The following SFRP1 variants were observed in gnomAD, a reference collection of about 807,000 sequenced individuals.
SFRP1 encodes the protein secreted frizzled related protein 1, also known as secreted frizzled-related protein 1.
Under a neutral mutation model 25.9 loss-of-function variants are expected in SFRP1, and 9 were observed. That is an observed-to-expected ratio of 0.35 (90% CI 0.21 to 0.61). The LOEUF (loss-of-function observed/expected upper bound fraction) is 0.61. Ranked by LOEUF, SFRP1 falls within the 20% of genes least tolerant of loss-of-function variation. SFRP1 has a pLI of 0.78. For missense variants in SFRP1, 346 were observed against 418.2 expected, an observed-to-expected ratio of 0.83 and a Z score of 1.51; for synonymous variants, 178 against 174.0, an observed-to-expected ratio of 1.02 and a Z score of -0.18.
chr8:41,296,300 A>G (rs914264341), intron 2 of SFRP1, among the ~76,000 whole-genome samples: 4 of 152,246 alleles, frequency 2.6e-5, no homozygotes, highest in Non-Finnish European at 5.9e-5. Flanking sequence ...TAGTCTGAAC[A>G]GGCCCAGAGT....
chr8:41,277,339 CA>C (rs1314689096), intron 2 of SFRP1, among the ~76,000 whole-genome samples: 1 of 152,180 alleles, frequency 6.6e-6, no homozygotes, highest in Non-Finnish European at 1.5e-5. Flanking sequence ...CCTGCCAAGG[CA>C]AACAGCTTTT....
intron 2 of SFRP1, among the ~76,000 whole-genome samples, chr8:41,282,769 A>C (rs1306219834): frequency 1.3e-5 from 2 of 152,168 alleles, no homozygotes; most frequent in East Asian, 3.8e-4. Flanking sequence ...ATATATGTAC[A>C]GAGTTATATA....
intron 2 of SFRP1, among the ~76,000 whole-genome samples, chr8:41,295,422 G>A (rs1290945197): frequency 5.3e-5 from 8 of 151,750 alleles, no homozygotes; most frequent in South Asian, 2.1e-4. Flanking sequence ...CCAGGTACTC[G>A]GGAGGCCGAG....
At position 41,290,813 on chromosome 8, in the gene SFRP1, T is replaced by A. The variant is rs117722106; in HGVS notation, c.622+12648A>T. 2.9e-4 allele frequency among the ~76,000 whole-genome samples: 44 copies of A among 151,268 alleles called. No individual in the cohort carries two copies. In the East Asian group the frequency reaches 8.6e-3, roughly 29 times the overall value. On this transcript the variant is annotated intron_variant, in intron 2 of 2. Coordinates refer to ENST00000220772, the MANE Select transcript of SFRP1 (RefSeq NM_003012.5). The stretch of plus-strand genomic sequence containing the variant: ...TGTCCAAAATGTCTCACCACTGATG[T>A]CTGCAGTTCTGCCATTAGGACTTCA...
At chr8:41,276,862 C>T in intron 2 of SFRP1, 2 of 448,364 alleles carry the variant, frequency 4.5e-6, no homozygotes, top group Admixed American at 4.7e-5. Flanking sequence ...GAGATTGCAA[C>T]TTTGCAGAGC....
intron 2 of SFRP1, among the ~76,000 whole-genome samples, chr8:41,287,322 TCTC>T (rs1803717417): frequency 2.0e-5 from 3 of 152,240 alleles, no homozygotes; most frequent in Non-Finnish European, 4.4e-5. Flanking sequence ...GCTTGTTTTC[TCTC>T]ACCTCACAGC....
At chr8:41,291,803 C>T (rs1803782900) in intron 2 of SFRP1, among the ~76,000 whole-genome samples, 1 of 152,140 alleles carries the variant, frequency 6.6e-6, no homozygotes, top group Non-Finnish European at 1.5e-5. Flanking sequence ...GTGTTTCCTT[C>T]CCGAGGCAGG....
intron 2 of SFRP1, among the ~76,000 whole-genome samples, chr8:41,274,474 T>C (rs1251793208): frequency 1.4e-4 from 22 of 152,208 alleles, no homozygotes; most frequent in Non-Finnish European, 4.4e-5. Flanking sequence ...TTTACATAAT[T>C]ATAATAAATT....
Position 41,263,759 on chromosome 8 carries a change from G to C in SFRP1, c.*1408C>G, listed in dbSNP as rs1803401477. 1 of 152,136 alleles carries C rather than the reference G, an allele frequency of 6.6e-6. No homozygotes were observed. The highest frequency in any genetic ancestry group is 2.1e-4 in the South Asian group (1 of 4,826). The allele number at this position is 152,136 out of a possible 1,614,324, so 9.4% of individuals were successfully genotyped here. On this transcript the variant is annotated 3_prime_UTR_variant, in exon 3 of 3. Coordinates refer to ENST00000220772, the MANE Select transcript of SFRP1 (RefSeq NM_003012.5). ...ATAAGGGCTTTGGGAAGTATCTCAGGGTACTTGGGAAAAACTGCAGAGATG... is the reference window on the plus strand; with the variant it reads ...ATAAGGGCTTTGGGAAGTATCTCAGCGTACTTGGGAAAAACTGCAGAGATG...
At chr8:41,291,378 C>T (rs928863865) in intron 2 of SFRP1, among the ~76,000 whole-genome samples, 3 of 152,132 alleles carry the variant, frequency 2.0e-5, no homozygotes, top group Admixed American at 6.5e-5. Flanking sequence ...CACCACCACA[C>T]CCTGATAAGC....
chr8:41,290,863 C>A (rs1803767453), intron 2 of SFRP1, among the ~76,000 whole-genome samples: 2 of 98,798 alleles, frequency 2.0e-5, no homozygotes, highest in African/African-American at 3.6e-5. Context: ...AGGTCTTTGT[C>A]TTCTTCTCCT....
rs571777661 is a variant in SFRP1, at chr8:41,265,031, A to G, written c.*136T>C. ...GAGGGAAGGGAGCGGGAATGCTGCA[A>G]GAACAAGCCGACTGGATTACAATGT... On this transcript the variant is annotated 3_prime_UTR_variant, in exon 3 of 3. Transcript: ENST00000220772. 1 of 661,766 alleles carries G rather than the reference A, an allele frequency of 1.5e-6. No individual in the cohort carries two copies. Among genetic ancestry groups the G allele is most frequent in the South Asian group, 2.0e-5 (1 of 50,842 alleles). The allele number at this position is 661,766 out of a possible 1,614,324, so 41.0% of individuals were successfully genotyped here.
intron 2 of SFRP1, among the ~76,000 whole-genome samples, chr8:41,302,808 C>T (rs1803941356): frequency 6.6e-6 from 1 of 151,974 alleles, no homozygotes; most frequent in South Asian, 2.1e-4. Context: ...CCCCCACCAG[C>T]TCCTCCTTCT....
intron 1 of SFRP1, among the ~76,000 whole-genome samples, chr8:41,305,754 G>T (rs959628313): frequency 6.6e-6 from 1 of 152,200 alleles, no homozygotes; most frequent in Non-Finnish European, 1.5e-5. Flanking sequence ...GCTGAATCAG[G>T]ATTAAGTGAT....
In SFRP1 at chr8:41,309,047, C is replaced by T. The variant is rs141546086; in HGVS notation, c.113G>A (p.Ser38Asn). 25 of 1,605,888 alleles carry T rather than the reference C, an allele frequency of 1.6e-5. No individual in the cohort carries two copies. The highest frequency in any genetic ancestry group is 1.9e-5 in the Non-Finnish European group (23 of 1,179,778). The change falls in exon 1 of 3, where the codon AGC becomes AAC. Residue 38 changes from serine (S) to asparagine (N), a missense_variant. Coordinates refer to ENST00000220772, the MANE Select transcript of SFRP1 (RefSeq NM_003012.5). ...GTACGGGCCGATGTCCGACTGGAAG[C>T]TCACGTAGTCGTACTCGCTGGCCGA... ...VGSASEYDYV[S>N]FQSDIGPYQS... is the part of the protein sequence containing the mutation.
intron 2 of SFRP1, among the ~76,000 whole-genome samples, chr8:41,291,806 G>A (rs114594094): frequency 0.019 from 2,894 of 152,146 alleles, 98 homozygotes; most frequent in African/African-American, 0.066. Flanking sequence ...TTTCCTTCCC[G>A]AGGCAGGAAA....
At chr8:41,267,342 G>T (rs1170073852) in intron 2 of SFRP1, among the ~76,000 whole-genome samples, 2 of 152,170 alleles carry the variant, frequency 1.3e-5, no homozygotes, top group Non-Finnish European at 2.9e-5. Flanking sequence ...AATGAGCGTG[G>T]ACATGCTCTA....
intron 2 of SFRP1, among the ~76,000 whole-genome samples, chr8:41,265,994 C>T (rs1803430656): frequency 6.6e-6 from 1 of 152,052 alleles, no homozygotes; most frequent in African/African-American, 2.4e-5. Context: ...GGTGAAACCC[C>T]ATCTCTACTA....
intron 2 of SFRP1, 116 bp downstream of exon 2, chr8:41,303,345 A>C: frequency 1.3e-6 from 1 of 758,410 alleles, no homozygotes; most frequent in Non-Finnish European, 2.3e-6. Flanking sequence ...TTGGAGAGGA[A>C]TGAGGTAGAG....
Sources: allele counts gnomAD v4.1 joint callset (sites outside exome capture counted in the v4.1 genomes callset), GRCh38; gene constraint gnomAD v4.1.1; transcripts MANE v1.5; gene names NCBI Gene and HGNC (gene_info 2026-07-23, HGNC 2026-07-21).